Variants in FGFR1 observed in about 807,000 individuals in gnomAD.
FGFR1 encodes FGFR1/PLAG1 fusion.
In FGFR1, 18 loss-of-function variants were observed where a neutral mutation model predicts 93.7. The ratio of observed to expected loss-of-function variants is 0.19; its 90% CI spans 0.13 to 0.28. FGFR1 has a LOEUF of 0.28. Among genes scored for constraint, FGFR1 ranks in the 10% least tolerant of loss-of-function variants. FGFR1 has a pLI of 1.00. For missense variants in FGFR1, 731 were observed against 1,080.4 expected, an observed-to-expected ratio of 0.68 and a Z score of 4.53; for synonymous variants, 448 against 429.3, an observed-to-expected ratio of 1.04 and a Z score of -0.54.
At chr8:38,417,513 T>C (rs1817109306) in intron 11 of FGFR1, 97 bp from the exon 12 acceptor site, 1 of 1,025,780 alleles carries the variant, frequency 9.7e-7, no homozygotes. Context: ...TGCTTTTCCC[T>C]GGGACTTGAT....
chr8:38,452,506 C>T (rs1052668062), intron 2 of FGFR1, among the ~76,000 whole-genome samples: 3 of 151,972 alleles, frequency 2.0e-5, no homozygotes, highest in Non-Finnish European at 2.9e-5. Context: ...CTAGGACTGC[C>T]GATGTGTGCC....
At chr8:38,414,747 C>T (rs1815736698) in intron 14 of FGFR1, 32 bp downstream of exon 14, 9 of 1,613,948 alleles carry the variant, frequency 5.6e-6, no homozygotes, top group Non-Finnish European at 7.6e-6. Flanking sequence ...CAGATGAAAC[C>T]ACCAGCACAG....
rs1415925468 is a variant in FGFR1 at position 38,414,185 on chromosome 8, C to T, written c.2153G>A (p.Arg718His). 1 of 1,614,174 alleles carries T rather than the reference C, an allele frequency of 6.2e-7. No homozygotes were observed. Among genetic ancestry groups the T allele is most frequent in the African/African-American group, 1.3e-5 (1 of 75,058 alleles). Reference protein sequence around the residue: ...ELFKLLKEGHRMDKPSNCTNE... With the variant: ...ELFKLLKEGHHMDKPSNCTNE... ...GGTGCAGTTACTGGGCTTGTCCATG[C>T]GGTGACCCTCCTTCAGCAGCTTGAA... Residue 718 changes from arginine (R) to histidine (H), a missense_variant, in exon 16 of 18, where the codon CGC becomes CAC. Around this residue, in one of 10 missense-constraint regions of FGFR1, gnomAD observed 35 missense variants for 78.0 expected, o/e 0.45. Transcript: ENST00000447712.
intron 1 of FGFR1, chr8:38,466,599 C>A (rs1835565801): frequency 1.3e-5 from 3 of 229,938 alleles, no homozygotes; most frequent in Middle Eastern, 1.3e-3. Flanking sequence ...AGGGAACTTT[C>A]TTTTCTCCCC....
intron 2 of FGFR1, among the ~76,000 whole-genome samples, chr8:38,453,331 C>T (rs890855035): frequency 3.9e-5 from 6 of 152,234 alleles, no homozygotes; most frequent in Non-Finnish European, 8.8e-5. Context: ...GGACCCACAA[C>T]GGCCATTGAC....
chr8:38,461,606 G>T (rs1030972199), intron 1 of FGFR1, among the ~76,000 whole-genome samples: 2 of 152,160 alleles, frequency 1.3e-5, no homozygotes, highest in Non-Finnish European at 2.9e-5. Context: ...ACCACACCCA[G>T]CCTGGGTCTT....
At chr8:38,432,977 C>G (rs1462179661) in intron 2 of FGFR1, among the ~76,000 whole-genome samples, 2 of 145,690 alleles carry the variant, frequency 1.4e-5, no homozygotes, top group African/African-American at 5.0e-5. Context: ...AAAGCTTACT[C>G]CTTCCTGAGG....
chr8:38,436,267 T>G (rs1004002061), intron 2 of FGFR1, among the ~76,000 whole-genome samples: 1 of 151,998 alleles, frequency 6.6e-6, no homozygotes, highest in Non-Finnish European at 1.5e-5. Flanking sequence ...CCCCAGGCAC[T>G]TGGGAGGCAG....
chr8:38,420,682 C>T (rs983383490), intron 8 of FGFR1, among the ~76,000 whole-genome samples: 18 of 152,014 alleles, frequency 1.2e-4, no homozygotes, highest in African/African-American at 3.6e-4. Context: ...CGGGTGTGGA[C>T]GGCCCTCCTC....
chr8:38,465,627 C>A (rs2151477669), intron 1 of FGFR1: 1 of 224,236 alleles, frequency 4.5e-6, no homozygotes, highest in Non-Finnish European at 8.9e-6. Context: ...GCAAAGACGG[C>A]CGGCAATAGC....
At chr8:38,420,995 C>T (rs1818561550) in intron 8 of FGFR1, among the ~76,000 whole-genome samples, 1 of 152,212 alleles carries the variant, frequency 6.6e-6, no homozygotes, top group African/African-American at 2.4e-5. Context: ...CCAGCAGGGG[C>T]ATCCGGAGAC....
Position 38,429,846 on chromosome 8 carries a change from T to C in FGFR1, c.194A>G (p.Asn65Ser), listed in dbSNP as rs375271913. Residue 65 changes from asparagine to serine, a missense_variant, in exon 3 of 18, where the codon AAC (asparagine) becomes AGC (serine). Around this residue, in one of 10 missense-constraint regions of FGFR1, gnomAD observed 212 missense variants for 205.8 expected, o/e 1.03. Coordinates refer to ENST00000447712, the MANE Select transcript of FGFR1 (RefSeq NM_023110.3). This position sits in a 1 kb window ranked among gnomAD's most constrained non-coding sequence, Gnocchi z 4.4. Reference protein sequence around the residue: ...CRLRDDVQSINWLRDGVQLAE... With the variant: ...CRLRDDVQSISWLRDGVQLAE... ...CAGCTGCACCCCGTCCCGCAGCCAG[T>C]TGATGCTCTGCACATCGTCCCGCAG... 88 of 1,613,880 alleles carry C rather than the reference T, an allele frequency of 5.5e-5. No homozygotes were observed. Among genetic ancestry groups the C allele is most frequent in the African/African-American group, 1.7e-4 (13 of 74,902 alleles).
At chr8:38,464,301 C>A (rs1428315718) in intron 1 of FGFR1, among the ~76,000 whole-genome samples, 1 of 112,296 alleles carries the variant, frequency 8.9e-6, no homozygotes, top group Admixed American at 1.2e-4. Context: ...GGCGACAGAG[C>A]GAGACTATCT....
At chr8:38,447,151 A>ACACACC (rs1283999521) in intron 2 of FGFR1, among the ~76,000 whole-genome samples, 23 of 128,228 alleles carry the variant, frequency 1.8e-4, no homozygotes, top group African/African-American at 5.3e-4. Flanking sequence ...ACACACACAC[A>ACACACC]CCCCTGACAA....
At position 38,454,863 on chromosome 8, in the gene FGFR1, C is replaced by A. The variant is rs536340643; in HGVS notation, c.91+2493G>T. Among the ~76,000 whole-genome samples, 3 of 152,272 alleles carry A rather than the reference C, an allele frequency of 2.0e-5. No individual in the cohort carries two copies. The East Asian group carries it at 5.8e-4, about 29-fold the overall frequency. ...CACCTCACTCTTTCCTCCCAGCCAT[C>A]CACACTGAGCTGCCAAATTAACTTT... On this transcript the variant is annotated intron_variant, in intron 2 of 17. Coordinates refer to ENST00000447712, the MANE Select transcript of FGFR1 (RefSeq NM_023110.3).
rs1835937261 is a variant in FGFR1 at position 38,468,110 on chromosome 8, T to C, written c.-218A>G. Reference sequence around the variant, plus strand: ...CGGGTCCTGGCGGGGTCGCAAGAGCTCCGCGGCCGGCGCTCGACTCCCGGC... The same window carrying C: ...CGGGTCCTGGCGGGGTCGCAAGAGCCCCGCGGCCGGCGCTCGACTCCCGGC... On this transcript the variant is annotated 5_prime_UTR_variant, in exon 1 of 18. Coordinates refer to ENST00000447712, the MANE Select transcript of FGFR1 (RefSeq NM_023110.3). The C allele has an allele frequency of 4.4e-6, 1 of 225,790 alleles. No homozygotes were observed. Among genetic ancestry groups the C allele is most frequent in the Non-Finnish European group, 8.8e-6 (1 of 113,224 alleles). The allele number at this position is 225,790 out of a possible 1,614,324, so 14.0% of individuals were successfully genotyped here.
chr8:38,424,974 AC>A lies in FGFR1; in HGVS notation c.746-276del, dbSNP rs1458021357. ...ATGGAGAACCTTCTAATTCAGTTGC[AC>A]CCCCAGACCTCAGCACAACCTGCTC... On this transcript the variant is annotated intron_variant, in intron 6 of 17. Transcript: ENST00000447712. The surrounding 1 kb of genome is among the most constrained non-coding windows in gnomAD (Gnocchi z 4.3). Among the ~76,000 whole-genome samples the A allele has an allele frequency of 6.6e-6, 1 of 151,918 alleles. No individual in the cohort carries two copies. The highest frequency in any genetic ancestry group is 1.5e-5 in the Non-Finnish European group (1 of 67,978).
At chr8:38,439,309 G>A (rs996210132) in intron 2 of FGFR1, among the ~76,000 whole-genome samples, 1 of 152,050 alleles carries the variant, frequency 6.6e-6, no homozygotes, top group Non-Finnish European at 1.5e-5. Flanking sequence ...GGTCTGTGCC[G>A]CTCTGCCTGG....
At position 38,429,818 on chromosome 8, in the gene FGFR1, C is replaced by G. The variant is rs748896706; in HGVS notation, c.222G>C (p.Ala74=). ...CTGTGATGCGGGTGCGGTTGCTTTCCGCCAGCTGCACCCCGTCCCGCAGCC... is the reference window on the plus strand; with the variant it reads ...CTGTGATGCGGGTGCGGTTGCTTTCGGCCAGCTGCACCCCGTCCCGCAGCC... ...INWLRDGVQL[A]ESNRTRITGE... Residue 74 remains alanine (A), a synonymous_variant, in exon 3 of 18, where the codon GCG becomes GCC. Coordinates refer to ENST00000447712, the MANE Select transcript of FGFR1 (RefSeq NM_023110.3). The surrounding 1 kb of genome is among the most constrained non-coding windows in gnomAD (Gnocchi z 4.4). 1.5e-5 allele frequency: 24 copies of G among 1,613,680 alleles called. No homozygotes were observed.
Sources: allele counts gnomAD v4.1 joint callset (sites outside exome capture counted in the v4.1 genomes callset), GRCh38; gene constraint gnomAD v4.1.1; regional missense constraint gnomAD v4.1.1; non-coding constraint Gnocchi (gnomAD v3.1); transcripts MANE v1.5; gene names NCBI Gene and HGNC (gene_info 2026-07-23, HGNC 2026-07-21).